Variants in ROBO2 observed in about 807,000 individuals in gnomAD.
ROBO2 encodes the protein roundabout guidance receptor 2.
A neutral mutation model predicts 160.8 loss-of-function variants in ROBO2; 53 were observed. The ratio of observed to expected loss-of-function variants is 0.33; its 90% CI spans 0.26 to 0.41. ROBO2 has a LOEUF of 0.41. Ranked by LOEUF, ROBO2 falls within the 10% of genes least tolerant of loss-of-function variation. The probability of loss-of-function intolerance (pLI) is 1.00; values close to 1 mark genes in which losing one functional copy is unlikely to be tolerated. For synonymous variants in ROBO2, 664 were observed against 611.7 expected (o/e 1.09, Z -1.26); for missense variants, 1,577 against 1,722.4 (o/e 0.92, Z 1.49).
intron 16 of ROBO2, among the ~76,000 whole-genome samples, chr3:77,583,493 T>C (rs942687236): frequency 3.9e-5 from 6 of 152,088 alleles, no homozygotes; most frequent in African/African-American, 1.4e-4. Flanking sequence ...TATTACACTT[T>C]CCTGTTCTAT....
At chr3:77,105,979 C>A (rs946335115) in intron 2 of ROBO2, among the ~76,000 whole-genome samples, 1 of 151,972 alleles carries the variant, frequency 6.6e-6, no homozygotes, top group Admixed American at 6.6e-5. Context: ...TCCCAGAAAC[C>A]CTTTTCATAT....
chr3:76,489,008 C>T (rs1399265900), intron 2 of ROBO2, among the ~76,000 whole-genome samples: 1 of 148,976 alleles, frequency 6.7e-6, no homozygotes, highest in Admixed American at 6.8e-5. Flanking sequence ...TGCTTGAACC[C>T]CAGGAGGTGG....
chr3:76,744,030 C>A (rs907869948), intron 2 of ROBO2, among the ~76,000 whole-genome samples: 5 of 152,036 alleles, frequency 3.3e-5, no homozygotes, highest in Admixed American at 1.3e-4. Context: ...TGTACACTGA[C>A]AGATGACTTC....
At chr3:77,013,061 T>A (rs1268094488) in intron 2 of ROBO2, among the ~76,000 whole-genome samples, 1 of 152,142 alleles carries the variant, frequency 6.6e-6, no homozygotes, top group Non-Finnish European at 1.5e-5. Context: ...GAAAATATGG[T>A]TGACTCAAGA....
intron 2 of ROBO2, among the ~76,000 whole-genome samples, chr3:76,277,463 G>A (rs796099400): frequency 5.0e-4 from 76 of 152,042 alleles, no homozygotes; most frequent in African/African-American, 1.8e-3. Context: ...CATTCTGCTG[G>A]ATGGCTTTTT....
At chr3:76,408,196 T>A (rs1316761920) in intron 2 of ROBO2, among the ~76,000 whole-genome samples, 1 of 152,128 alleles carries the variant, frequency 6.6e-6, no homozygotes, top group East Asian at 1.9e-4. Context: ...TTTGCTTAAT[T>A]CAGACATTGA....
At chr3:77,038,704 C>T (rs1422743054), upstream of ROBO2, among the ~76,000 whole-genome samples, 1 of 152,170 alleles carries the variant, frequency 6.6e-6, no homozygotes, top group Non-Finnish European at 1.5e-5. Context: ...ACACGTGGGC[C>T]CGGCCGCACC....
At chr3:76,469,438 C>T (rs933988978) in intron 2 of ROBO2, among the ~76,000 whole-genome samples, 1 of 151,984 alleles carries the variant, frequency 6.6e-6, no homozygotes, top group African/African-American at 2.4e-5. Flanking sequence ...CTTCCCAAAC[C>T]CGTTTGATGA....
At chr3:75,910,630 T>C (rs1946536477) in intron 1 of ROBO2, among the ~76,000 whole-genome samples, 1 of 152,160 alleles carries the variant, frequency 6.6e-6, no homozygotes, top group African/African-American at 2.4e-5. Flanking sequence ...AACATGGAGA[T>C]ATATGAATGG....
intron 17 of ROBO2, among the ~76,000 whole-genome samples, chr3:77,590,135 G>A (rs149053879): frequency 6.6e-6 from 1 of 152,078 alleles, no homozygotes; most frequent in South Asian, 2.1e-4. Context: ...TTATAGCATT[G>A]TAGCTTGTGT....
chr3:77,574,748 G>T lies in ROBO2; in HGVS notation c.2203+18G>T. ...TGAAGAAGGTCAGTATTCAGATTTC[G>T]AATATAAATCAAACATGATGAAACC... On this transcript the variant is annotated intron_variant, in intron 14 of 25. Coordinates refer to ENST00000461745, the Ensembl canonical transcript of ROBO2. 6.3e-7 allele frequency: 1 copy of T among 1,592,878 alleles called. No homozygotes were observed. The highest frequency in any genetic ancestry group is 8.6e-7 in the Non-Finnish European group (1 of 1,161,860).
chr3:76,153,571 A>G (rs1207089239), intron 2 of ROBO2, among the ~76,000 whole-genome samples: 2 of 152,168 alleles, frequency 1.3e-5, no homozygotes, highest in African/African-American at 4.8e-5. Context: ...AAAATCACAC[A>G]TATTCAAATA....
chr3:77,120,214 C>T (rs1249616705), intron 2 of ROBO2, among the ~76,000 whole-genome samples: 5 of 151,968 alleles, frequency 3.3e-5, no homozygotes, highest in African/African-American at 9.7e-5. Flanking sequence ...TCCATGTGTC[C>T]GGCATGAACA....
At chr3:76,240,399 G>A (rs1364403147) in intron 2 of ROBO2, among the ~76,000 whole-genome samples, 1 of 151,932 alleles carries the variant, frequency 6.6e-6, no homozygotes, top group African/African-American at 2.4e-5. Context: ...ACTTTCAAAG[G>A]GAGTGTTGGT....
At chr3:77,056,518 G>T (rs962097178) in intron 1 of ROBO2, among the ~76,000 whole-genome samples, 1 of 151,936 alleles carries the variant, frequency 6.6e-6, no homozygotes, top group African/African-American at 2.4e-5. Flanking sequence ...TGTTATGTTG[G>T]CAACCTCTTA....
chr3:77,400,493 A>G (rs1208651330), intron 2 of ROBO2, among the ~76,000 whole-genome samples: 1 of 152,178 alleles, frequency 6.6e-6, no homozygotes, highest in African/African-American at 2.4e-5. Flanking sequence ...AGGAGCCAGT[A>G]CGTTCACTTT....
At chr3:77,301,625 A>G (rs1200329496) in intron 2 of ROBO2, among the ~76,000 whole-genome samples, 1 of 152,240 alleles carries the variant, frequency 6.6e-6, no homozygotes, top group Non-Finnish European at 1.5e-5. Flanking sequence ...TAAATGGCCT[A>G]TGCCATTCAT....
At chr3:76,121,532 G>A (rs904874069) in intron 2 of ROBO2, among the ~76,000 whole-genome samples, 5 of 152,116 alleles carry the variant, frequency 3.3e-5, no homozygotes, top group Non-Finnish European at 5.9e-5. Context: ...TTATGTAACA[G>A]TTCTGGATCA....
At chr3:76,533,691 A>G (rs950778430) in intron 2 of ROBO2, among the ~76,000 whole-genome samples, 2 of 152,118 alleles carry the variant, frequency 1.3e-5, no homozygotes, top group Non-Finnish European at 2.9e-5. Flanking sequence ...AAAGGGAGAT[A>G]GGGGAGGGGC....
Sources: gnomAD v4.1 joint callset for allele counts (sites outside exome capture counted in the v4.1 genomes callset) on GRCh38, gnomAD v4.1.1 for gene constraint, MANE v1.5 for transcripts, NCBI Gene and HGNC (gene_info 2026-07-23, HGNC 2026-07-21) for gene names.